EPB41L5: variants seen among roughly 807,000 people sequenced by gnomAD.
EPB41L5 encodes erythrocyte membrane protein band 4.1 like 5.
EPB41L5 carries 55 observed loss-of-function variants against 106.6 expected under a neutral mutation model. The observed-to-expected ratio is 0.52, with a 90% CI of 0.42 to 0.65. The LOEUF is 0.65. Among genes scored for constraint, EPB41L5 ranks in the 30% least tolerant of loss-of-function variants. The probability of loss-of-function intolerance (pLI) is 0.00; values close to 1 mark genes in which losing one functional copy is unlikely to be tolerated. For synonymous variants in EPB41L5, 297 were observed against 306.7 expected, an observed-to-expected ratio of 0.97 and a Z score of 0.33; for missense variants, 871 against 882.1, an observed-to-expected ratio of 0.99 and a Z score of 0.16.
intron 3 of EPB41L5, among the ~76,000 whole-genome samples, chr2:120,053,881 G>A (rs1680452449): frequency 6.6e-6 from 1 of 152,140 alleles, no homozygotes; most frequent in South Asian, 2.1e-4. Context: ...GGGCAACTTG[G>A]CAAAACACTT....
At chr2:120,137,273 T>C (rs901256464) in intron 18 of EPB41L5, among the ~76,000 whole-genome samples, 2 of 151,824 alleles carry the variant, frequency 1.3e-5, no homozygotes, top group Non-Finnish European at 2.9e-5. Flanking sequence ...TAGAACAATT[T>C]CAGATAAACA....
intron 3 of EPB41L5, among the ~76,000 whole-genome samples, chr2:120,060,400 A>G (rs1399724657): frequency 1.3e-5 from 2 of 152,214 alleles, no homozygotes; most frequent in Non-Finnish European, 2.9e-5. Context: ...AAACAGTGGC[A>G]CAATCATACC....
At chr2:120,052,424 G>T (rs1026180112) in intron 3 of EPB41L5, among the ~76,000 whole-genome samples, 3 of 152,100 alleles carry the variant, frequency 2.0e-5, no homozygotes, top group African/African-American at 7.2e-5. Context: ...TGATTAAGAT[G>T]GTGTCTGCTA....
rs911400931 is a variant in EPB41L5, at chr2:120,017,513, A to G, written c.-8-1564A>G. On this transcript the variant is annotated intron_variant, in intron 1 of 24. Coordinates refer to ENST00000263713, the MANE Select transcript of EPB41L5 (RefSeq NM_020909.4). ...ACTCTCTTTGTTGTGCAAATGAAAC[A>G]CATGAGGATAGCAAAGTGACTTTGA... is the stretch of plus-strand genomic sequence containing the variant. 2.0e-5 allele frequency among the ~76,000 whole-genome samples: 3 copies of G among 152,250 alleles called. No homozygotes were observed. The South Asian group carries it at 6.2e-4, about 31-fold the overall frequency.
At position 120,143,054 on chromosome 2, in the gene EPB41L5, C is replaced by T. The variant is rs747564552; in HGVS notation, c.1651C>T (p.Pro551Ser). 1 of 1,612,200 alleles carries T rather than the reference C, an allele frequency of 6.2e-7. No homozygotes were observed. Among genetic ancestry groups the T allele is most frequent in the African/African-American group, 1.3e-5 (1 of 74,640 alleles). Reference protein sequence around the residue: ...EKCLNNVIESPGLNVMRVPPD... With the variant: ...EKCLNNVIESSGLNVMRVPPD... Reference sequence around the variant, plus strand: ...ATGCCTTAATAATGTCATTGAGAGCCCAGGATTGAATGTCATGAGAGTTCC... The same window carrying T: ...ATGCCTTAATAATGTCATTGAGAGCTCAGGATTGAATGTCATGAGAGTTCC... Residue 551 changes from proline to serine, a missense_variant, in exon 19 of 25, where the codon CCA becomes TCA. Transcript: ENST00000263713.
chr2:120,121,644 A>G (rs1277197966), intron 16 of EPB41L5, among the ~76,000 whole-genome samples: 1 of 152,214 alleles, frequency 6.6e-6, no homozygotes, highest in Non-Finnish European at 1.5e-5. Flanking sequence ...TATTGCGATT[A>G]GTGCCACAAT....
At chr2:120,103,478 G>A (rs866049140) in intron 16 of EPB41L5, among the ~76,000 whole-genome samples, 11 of 152,212 alleles carry the variant, frequency 7.2e-5, no homozygotes, top group Non-Finnish European at 1.3e-4. Flanking sequence ...TATAAGGAGC[G>A]ATGATTCTCT....
intron 14 of EPB41L5, 86 bp from the exon 15 acceptor site, chr2:120,100,158 A>T: frequency 1.1e-6 from 1 of 927,882 alleles, no homozygotes; most frequent in Non-Finnish European, 1.6e-6. Flanking sequence ...TAAAATAAAT[A>T]TTTTATTAGT....
intron 16 of EPB41L5, among the ~76,000 whole-genome samples, chr2:120,126,621 A>G (rs1161768544): frequency 6.6e-6 from 1 of 152,208 alleles, no homozygotes; most frequent in Non-Finnish European, 1.5e-5. Flanking sequence ...ATATTCCATA[A>G]TATAGACTCT....
In EPB41L5 at chr2:120,171,742, C is replaced by T. The variant is rs1687682911; in HGVS notation, c.2136-3099C>T. The stretch of plus-strand genomic sequence containing the variant: ...CCAAATAATCACCAGGGAGCCCATT[C>T]GTTGATGAGTTTTGCCCATATATAC... On this transcript the variant is annotated intron_variant, in intron 24 of 24. Transcript: ENST00000263713. Among the ~76,000 whole-genome samples the T allele has an allele frequency of 3.3e-5, 5 of 152,166 alleles. No homozygotes were observed. In the South Asian group the frequency reaches 1.0e-3, roughly 31 times the overall value.
At chr2:120,038,313 C>T (rs1679173969) in intron 2 of EPB41L5, among the ~76,000 whole-genome samples, 2 of 152,030 alleles carry the variant, frequency 1.3e-5, no homozygotes, top group Admixed American at 6.6e-5. Flanking sequence ...ATCAGAGCCA[C>T]GATGAGAGAG....
intron 2 of EPB41L5, among the ~76,000 whole-genome samples, chr2:120,027,578 T>C (rs1418321505): frequency 6.6e-6 from 1 of 152,146 alleles, no homozygotes; most frequent in African/African-American, 2.4e-5. Flanking sequence ...ATATGGACTT[T>C]CTTTTTTTTA....
intron 16 of EPB41L5, chr2:120,105,061 G>C: frequency 8.1e-6 from 8 of 982,854 alleles, no homozygotes; most frequent in Non-Finnish European, 9.7e-6. Flanking sequence ...GTTTGCAACA[G>C]TCTCATAATC....
rs1682409621 is a variant in EPB41L5 at position 120,078,498 on chromosome 2, A to G, written c.720A>G (p.Arg240=). 1 of 1,602,742 alleles carries G rather than the reference A, an allele frequency of 6.2e-7. No individual in the cohort carries two copies. Among genetic ancestry groups the G allele is most frequent in the East Asian group, 2.3e-5 (1 of 44,400 alleles). ...YGVDMHVVKA[R]DGNDYSLGLT... ...TTTTTCTCCCCTTAAATTAGGCTAG[A>G]GATGGGAATGACTATAGTTTGGGAC... is the stretch of plus-strand genomic sequence containing the variant. The change falls in exon 10 of 25, where the codon AGA becomes AGG. Residue 240 remains arginine, a synonymous_variant. Transcript: ENST00000263713.
intron 14 of EPB41L5, among the ~76,000 whole-genome samples, chr2:120,094,266 C>T (rs941420723): frequency 3.2e-4 from 48 of 152,240 alleles, no homozygotes; most frequent in Admixed American, 8.5e-4. Context: ...GGATTACAGG[C>T]GTGAGCCACA....
intron 22 of EPB41L5, among the ~76,000 whole-genome samples, chr2:120,165,852 C>T (rs1687374351): frequency 6.6e-6 from 1 of 151,700 alleles, no homozygotes; most frequent in South Asian, 2.1e-4. Context: ...CCTGTAGCGC[C>T]AGCTACTCGG....
At chr2:120,079,792 A>G (rs1682514662) in intron 10 of EPB41L5, among the ~76,000 whole-genome samples, 1 of 152,112 alleles carries the variant, frequency 6.6e-6, no homozygotes, top group Non-Finnish European at 1.5e-5. Context: ...ATCAAGGGTT[A>G]CATTAAATGG....
chr2:120,083,630 C>T (rs1285122432), intron 10 of EPB41L5, among the ~76,000 whole-genome samples: 2 of 152,160 alleles, frequency 1.3e-5, no homozygotes, highest in African/African-American at 4.8e-5. Context: ...CCGCTTGATG[C>T]AGAGCTGAGT....
chr2:120,099,823 T>C (rs1574665263), intron 14 of EPB41L5, among the ~76,000 whole-genome samples: 1 of 152,168 alleles, frequency 6.6e-6, no homozygotes, highest in Non-Finnish European at 1.5e-5. Flanking sequence ...CTAAGGCCTT[T>C]TGAGTTATAA....
Sources: allele counts gnomAD v4.1 joint callset (sites outside exome capture counted in the v4.1 genomes callset), GRCh38; gene constraint gnomAD v4.1.1; transcripts MANE v1.5; gene names NCBI Gene and HGNC (gene_info 2026-07-23, HGNC 2026-07-21).